Variants in ACACB observed in about 807,000 individuals in gnomAD.
The protein encoded by ACACB is acetyl-CoA carboxylase 2.
Under a neutral mutation model 278.8 loss-of-function variants are expected in ACACB, and 209 were observed. That is an observed-to-expected ratio of 0.75 (90% confidence interval 0.67 to 0.84). The LOEUF (loss-of-function observed/expected upper bound fraction) is 0.84, where lower values mean the gene tolerates loss of function less well. ACACB is among the 40% of genes least tolerant of loss of function. The pLI is 0.00. For missense variants in ACACB, 2,850 were observed against 3,269.0 expected (o/e 0.87, Z 3.13); for synonymous variants, 1,174 against 1,285.6 (o/e 0.91, Z 1.86).
chr12:109,228,552 G>A (rs1271673960), intron 28 of ACACB, among the ~76,000 whole-genome samples: 2 of 151,172 alleles, frequency 1.3e-5, no homozygotes, highest in African/African-American at 4.9e-5. Flanking sequence ...CAGGTTACTC[G>A]GGAGGCTGAG....
At position 109,262,356 on chromosome 12, in the gene ACACB, G is replaced by A. The variant is rs1593738537; in HGVS notation, c.6675-1G>A. On this transcript the variant is annotated splice_acceptor_variant, in intron 48 of 52. Coordinates refer to ENST00000338432, the MANE Select transcript of ACACB (RefSeq NM_001093.4). LOFTEE classifies it high-confidence loss of function. ...CCCATCCCTGCCTCTTCTCTTTTAAGGGGTGGTGTTCTGGAACCAGAGGGG... is the reference window on the plus strand; with the variant it reads ...CCCATCCCTGCCTCTTCTCTTTTAAAGGGTGGTGTTCTGGAACCAGAGGGG... 6.2e-7 allele frequency: 1 copy of A among 1,612,478 alleles called. No homozygotes were observed. Among genetic ancestry groups the A allele is most frequent in the Non-Finnish European group, 8.5e-7 (1 of 1,178,924 alleles).
chr12:109,235,213 C>A, intron 31 of ACACB, 100 bp from the exon 32 acceptor site: 3 of 983,006 alleles, frequency 3.1e-6, no homozygotes, highest in Non-Finnish European at 3.2e-6. Context: ...TTCCACTTAG[C>A]ATAATGTTTA....
At chr12:109,192,270 C>T (rs553057035) in intron 15 of ACACB, among the ~76,000 whole-genome samples, 3 of 152,122 alleles carry the variant, frequency 2.0e-5, no homozygotes, top group Non-Finnish European at 4.4e-5. Context: ...GGAAGCAAAG[C>T]GGCTTAAAGG....
rs1261520626 is a variant in ACACB at position 109,216,832 on chromosome 12, A to C, written c.3476A>C (p.Gln1159Pro). Residue 1159 changes from glutamine to proline, a missense_variant, in exon 24 of 53, where the codon CAG becomes CCG. Physicochemically the swap from Gln to Pro is moderately conservative, Grantham distance 76. Transcript: ENST00000338432. The part of the protein sequence containing the change: ...YDKCVINLRE[Q>P]FKPDMSQVLD... The stretch of plus-strand genomic sequence containing the variant: ...AAGTGTGTGATAAACCTCAGGGAGC[A>C]GTTCAAGCCAGACATGTCCCAGGTG... 1 of 1,614,162 alleles carries C rather than the reference A, an allele frequency of 6.2e-7. No individual in the cohort carries two copies. Among genetic ancestry groups the C allele is most frequent in the South Asian group, 1.1e-5 (1 of 91,084 alleles).
chr12:109,225,922 A>G (rs1208189282), intron 27 of ACACB, among the ~76,000 whole-genome samples: 1 of 152,186 alleles, frequency 6.6e-6, no homozygotes, highest in Admixed American at 6.5e-5. Flanking sequence ...GGTGAAATAA[A>G]ATATATTATT....
intron 3 of ACACB, among the ~76,000 whole-genome samples, chr12:109,167,582 G>T (rs2043951141): frequency 7.3e-6 from 1 of 136,794 alleles, no homozygotes; most frequent in Non-Finnish European, 1.6e-5. Context: ...CTGGGTGACA[G>T]AGCAAGACTC....
At chr12:109,192,537 A>G (rs1248841930) in intron 15 of ACACB, among the ~76,000 whole-genome samples, 2 of 152,166 alleles carry the variant, frequency 1.3e-5, no homozygotes, top group Non-Finnish European at 2.9e-5. Flanking sequence ...AGTCATGACA[A>G]TCAAATATAT....
Position 109,172,307 on chromosome 12 carries a change from A to G in ACACB, c.1068A>G (p.Glu356=). The G allele has an allele frequency of 6.2e-7, 1 of 1,614,124 alleles. No homozygotes were observed. Among genetic ancestry groups the G allele is most frequent in the Non-Finnish European group, 8.5e-7 (1 of 1,180,034 alleles). The change falls in exon 6 of 53, where the codon GAA becomes GAG. Residue 356 remains glutamate, a synonymous_variant. Transcript: ENST00000338432. The part of the protein sequence containing the change: ...AVWAGWGHAS[E]NPKLPELLCK... ...GGGCTGGCTGGGGCCATGCTTCAGA[A>G]AACCCTAAACTTCCGGAGCTGCTGT... is the stretch of plus-strand genomic sequence containing the variant.
At chr12:109,256,022 T>C in intron 44 of ACACB, 118 bp from the exon 45 acceptor site, 2 of 683,478 alleles carry the variant, frequency 2.9e-6, no homozygotes, top group Non-Finnish European at 5.1e-6. Context: ...GAAAGGGGTA[T>C]CTGGGCTATG....
chr12:109,162,379 C>A (rs912813888), intron 2 of ACACB, among the ~76,000 whole-genome samples: 1 of 152,066 alleles, frequency 6.6e-6, no homozygotes, highest in African/African-American at 2.4e-5. Context: ...GACCCCTGGC[C>A]ATCTGTACCA....
intron 21 of ACACB, among the ~76,000 whole-genome samples, chr12:109,209,927 G>GTGTGTGTATATATGTA (rs2045651060): frequency 5.3e-5 from 4 of 75,120 alleles, no homozygotes; most frequent in African/African-American, 2.8e-4. Context: ...GTATATATGT[G>GTGTGTGTATATATGTA]TATACACACA....
rs2043911469 is a variant in ACACB at position 109,166,667 on chromosome 12, A to AAAAAAC, written c.654-189_654-188insCAAAAA. Among the ~76,000 whole-genome samples, 7 of 145,122 alleles carry AAAAAAC rather than the reference A, an allele frequency of 4.8e-5. 1 individual carries two copies. The highest frequency in any genetic ancestry group is 1.4e-4 in the Admixed American group (2 of 14,340). On this transcript the variant is annotated intron_variant, in intron 2 of 52. Transcript: ENST00000338432. Reference sequence around the variant, plus strand: ...CCCGTCTCAAAAAAAAAAAAAAAAAAAAAAAAAAAACCGAAGGTGCTTCCT... The same window carrying AAAAAAC: ...CCCGTCTCAAAAAAAAAAAAAAAAAAAAAAACAAAAAAAAAACCGAAGGTGCTTCCT...
chr12:109,212,837 T>G lies in ACACB; in HGVS notation c.3251T>G (p.Ile1084Arg). The G allele has an allele frequency of 3.7e-6, 6 of 1,613,866 alleles. No homozygotes were observed. Among genetic ancestry groups the G allele is most frequent in the Non-Finnish European group, 5.1e-6 (6 of 1,179,770 alleles). Residue 1084 changes from isoleucine to arginine, a missense_variant and splice_region_variant, in exon 22 of 53, where the codon ATA becomes AGA. Around this residue, in one of 3 missense-constraint regions of ACACB, gnomAD observed 2,265 missense variants for 2,561.3 expected, o/e 0.88. Coordinates refer to ENST00000338432, the MANE Select transcript of ACACB (RefSeq NM_001093.4). ...GACCTGTCTTGTTTTCCCATCCAGATAGCCACCATCCTGGACTGCCATGCA... is the reference window on the plus strand; with the variant it reads ...GACCTGTCTTGTTTTCCCATCCAGAGAGCCACCATCCTGGACTGCCATGCA... ...SVLCQFPSQQIATILDCHAAT... is the reference protein window; with the variant it reads ...SVLCQFPSQQRATILDCHAAT...
At chr12:109,158,198 G>C (rs928988706) in intron 2 of ACACB, among the ~76,000 whole-genome samples, 1 of 152,112 alleles carries the variant, frequency 6.6e-6, no homozygotes, top group East Asian at 1.9e-4. Context: ...TTTTGGCTTT[G>C]TGGCCATGTG....
chr12:109,190,367 C>T (rs182931459), intron 13 of ACACB, among the ~76,000 whole-genome samples: 14 of 152,304 alleles, frequency 9.2e-5, no homozygotes, highest in Admixed American at 3.3e-4. Context: ...GGATTACAGG[C>T]GTGAGCCACT....
intron 17 of ACACB, among the ~76,000 whole-genome samples, chr12:109,198,814 C>T (rs1479965631): frequency 6.6e-6 from 1 of 151,504 alleles, no homozygotes; most frequent in East Asian, 1.9e-4. Context: ...TTTGTAGAGG[C>T]AGGGTCTCAC....
At chr12:109,249,136 G>T (rs367836635) in intron 40 of ACACB, 1 of 152,200 alleles carries the variant, frequency 6.6e-6, no homozygotes, top group Non-Finnish European at 1.5e-5. Context: ...CGTCTGTGGC[G>T]TGTACCTTTC....
chr12:109,256,275 T>C (rs1487016897), intron 45 of ACACB, 39 bp downstream of exon 45: 3 of 1,573,232 alleles, frequency 1.9e-6, no homozygotes, highest in Non-Finnish European at 2.6e-6. Context: ...CATGTCTGAC[T>C]CACCAGGCAT....
At chr12:109,151,200 G>A (rs2043366072) in intron 2 of ACACB, among the ~76,000 whole-genome samples, 1 of 152,018 alleles carries the variant, frequency 6.6e-6, no homozygotes, top group African/African-American at 2.4e-5. Flanking sequence ...GTCCAGGCTG[G>A]TCTTGAACTC....
Sources: allele counts gnomAD v4.1 joint callset (sites outside exome capture counted in the v4.1 genomes callset), GRCh38; gene constraint gnomAD v4.1.1; regional missense constraint gnomAD v4.1.1; transcripts MANE v1.5; gene names NCBI Gene and HGNC (gene_info 2026-07-23, HGNC 2026-07-21).